The following CDC14A variants were observed in gnomAD, a reference collection of about 807,000 sequenced individuals.
CDC14A encodes the protein dual specificity protein phosphatase CDC14A.
Under a neutral mutation model 74.4 loss-of-function variants are expected in CDC14A, and 53 were observed. The ratio of observed to expected loss-of-function variants is 0.71; its 90% CI spans 0.57 to 0.89. The LOEUF is 0.89. CDC14A is among the 40% of genes least tolerant of loss of function. CDC14A has a pLI of 0.00. For missense variants in CDC14A, 646 were observed against 713.7 expected (o/e 0.91, Z 1.08); for synonymous variants, 247 against 258.4 (o/e 0.96, Z 0.43).
chr1:100,407,839 G>A (rs2101029224), intron 4 of CDC14A, among the ~76,000 whole-genome samples: 1 of 152,170 alleles, frequency 6.6e-6, no homozygotes, highest in Middle Eastern at 3.4e-3. Context: ...TATTTTTTAA[G>A]TTGACTTCGT....
chr1:100,447,294 G>C (rs1205879959), intron 7 of CDC14A, among the ~76,000 whole-genome samples: 2 of 152,170 alleles, frequency 1.3e-5, no homozygotes, highest in Admixed American at 6.5e-5. Flanking sequence ...ATTAAGTATT[G>C]ATAAACAACA....
At chr1:100,404,829 CA>C in intron 4 of CDC14A, among the ~76,000 whole-genome samples, 1 of 148,696 alleles carries the variant, frequency 6.7e-6, no homozygotes, top group East Asian at 1.9e-4. Flanking sequence ...GACTCCGTCT[CA>C]AAAAAACAAA....
chr1:100,356,538 A>C lies in CDC14A; in HGVS notation c.140+2686A>C, dbSNP rs954026302. Among the ~76,000 whole-genome samples, 13 of 152,106 alleles carry C rather than the reference A, an allele frequency of 8.5e-5. No homozygotes were observed. The East Asian group carries it at 2.1e-3, about 25-fold the overall frequency. On this transcript the variant is annotated intron_variant, in intron 2 of 15. Transcript: ENST00000336454. Reference sequence around the variant, plus strand: ...GTAGCATCATTTAAGAGGGGTTGTTAAGGAGATAAGAGCCCACTTAAAAAA... The same window carrying C: ...GTAGCATCATTTAAGAGGGGTTGTTCAGGAGATAAGAGCCCACTTAAAAAA...
chr1:100,424,546 A>G (rs1662729063), intron 5 of CDC14A, among the ~76,000 whole-genome samples: 1 of 152,158 alleles, frequency 6.6e-6, no homozygotes, highest in Non-Finnish European at 1.5e-5. Context: ...TTTACAGTTT[A>G]TGTCAAGCAC....
At chr1:100,420,031 T>TACAC (rs368385925) in intron 4 of CDC14A, among the ~76,000 whole-genome samples, 103 of 82,862 alleles carry the variant, frequency 1.2e-3, no homozygotes, top group Middle Eastern at 0.015. Context: ...TATACATATA[T>TACAC]ACACACACAC....
At position 100,353,794 on chromosome 1, in the gene CDC14A, C is replaced by T. The variant is rs750628257; in HGVS notation, c.82C>T (p.Pro28Ser). The stretch of plus-strand genomic sequence containing the variant: ...ATATTTTGCTACTTTAAGGAATAGA[C>T]CAAAAAGCACAGTAAATACCCACTA... The part of the protein sequence containing the change: ...RLYFATLRNR[P>S]KSTVNTHYFS... Residue 28 changes from proline to serine, a missense_variant, in exon 2 of 16, where the codon CCA becomes TCA. Transcript: ENST00000336454. 1.9e-6 allele frequency: 3 copies of T among 1,607,118 alleles called. No homozygotes were observed. Among genetic ancestry groups the T allele is most frequent in the Non-Finnish European group, 1.7e-6 (2 of 1,174,968 alleles).
In CDC14A at chr1:100,485,147, T is replaced by G. The variant is rs1467691930; in HGVS notation, c.1137+696T>G. ...CTAAGAATTAGGATTATGAGCATTT[T>G]TGGAACTAGAAACAACGTTGAAACA... On this transcript the variant is annotated intron_variant, in intron 11 of 15. Transcript: ENST00000336454. The G allele has an allele frequency of 8.1e-6, 8 of 985,286 alleles. No homozygotes were observed. The South Asian group carries it at 3.8e-4, about 46-fold the overall frequency. 61.0% of individuals were successfully genotyped at this position (985,286 alleles called of 1,614,324 possible).
At chr1:100,405,402 A>C (rs999633752) in intron 4 of CDC14A, among the ~76,000 whole-genome samples, 2 of 152,140 alleles carry the variant, frequency 1.3e-5, no homozygotes, top group Non-Finnish European at 2.9e-5. Context: ...ACTTTTATTA[A>C]GTTCTGGGGT....
chr1:100,515,067 G>A (rs951966952), intron 15 of CDC14A, among the ~76,000 whole-genome samples: 2 of 152,128 alleles, frequency 1.3e-5, no homozygotes, highest in Non-Finnish European at 1.5e-5. Context: ...ATGAAGTTAT[G>A]CTTTGTTACG....
chr1:100,404,816 C>T (rs1261062823), intron 4 of CDC14A, among the ~76,000 whole-genome samples: 7 of 151,726 alleles, frequency 4.6e-5, no homozygotes, highest in African/African-American at 7.3e-5. Flanking sequence ...GGCAACAGAG[C>T]GAGACTCCGT....
chr1:100,350,299 G>T (rs1385145886), upstream of CDC14A, among the ~76,000 whole-genome samples: 2 of 152,080 alleles, frequency 1.3e-5, no homozygotes, highest in African/African-American at 4.8e-5. Context: ...CGCCATGTTG[G>T]CCAGGATGGT....
In CDC14A at chr1:100,425,776, A is replaced by G. The variant is rs537770545; in HGVS notation, c.389+1475A>G. On this transcript the variant is annotated intron_variant, in intron 5 of 15. Transcript: ENST00000336454. ...TTTCCTTCCACTTCTAATGGCTCCTATACTTTGAAAGTCCTTTGTAAAATA... is the reference window on the plus strand; with the variant it reads ...TTTCCTTCCACTTCTAATGGCTCCTGTACTTTGAAAGTCCTTTGTAAAATA... Among the ~76,000 whole-genome samples, 6 of 152,358 alleles carry G rather than the reference A, an allele frequency of 3.9e-5. No homozygotes were observed. The South Asian group carries it at 1.2e-3, about 32-fold the overall frequency.
intron 10 of CDC14A, among the ~76,000 whole-genome samples, chr1:100,482,980 A>T (rs547224529): frequency 2.0e-5 from 3 of 152,090 alleles, no homozygotes; most frequent in Non-Finnish European, 4.4e-5. Context: ...CATTTTCTCT[A>T]TCCAATCTAT....
intron 2 of CDC14A, among the ~76,000 whole-genome samples, chr1:100,376,535 AT>A (rs555942861): frequency 3.9e-4 from 59 of 152,268 alleles, no homozygotes; most frequent in African/African-American, 1.3e-3. Flanking sequence ...AGTTTTAGAT[AT>A]TTTGAGTTCC....
intron 5 of CDC14A, among the ~76,000 whole-genome samples, chr1:100,429,650 G>T (rs1445176378): frequency 6.7e-6 from 1 of 149,922 alleles, no homozygotes; most frequent in Non-Finnish European, 1.5e-5. Flanking sequence ...TGTGGTCAAG[G>T]TTGAGAACTC....
At chr1:100,374,400 G>A (rs1408372724) in intron 2 of CDC14A, among the ~76,000 whole-genome samples, 1 of 152,192 alleles carries the variant, frequency 6.6e-6, no homozygotes, top group African/African-American at 2.4e-5. Flanking sequence ...CACAATGGTT[G>A]AACTAGTTTA....
At chr1:100,379,230 T>C (rs77622407) in intron 3 of CDC14A, among the ~76,000 whole-genome samples, 61 of 152,338 alleles carry the variant, frequency 4.0e-4, no homozygotes, top group African/African-American at 1.4e-3. Flanking sequence ...GTATTTTTTC[T>C]ACCATTTTCT....
intron 4 of CDC14A, among the ~76,000 whole-genome samples, chr1:100,409,164 T>G (rs1660338275): frequency 6.6e-6 from 1 of 150,704 alleles, no homozygotes; most frequent in African/African-American, 2.5e-5. Flanking sequence ...AGAAGAGAAC[T>G]TGTGCAGGGA....
intron 1 of CDC14A, among the ~76,000 whole-genome samples, chr1:100,346,172 AAAAACAAAAC>A (rs543442385): frequency 1.3e-4 from 20 of 152,244 alleles, no homozygotes; most frequent in Non-Finnish European, 2.2e-4. Flanking sequence ...ACTCCATCTC[AAAAACAAAAC>A]AAAACAAAAC....
Sources: allele counts gnomAD v4.1 joint callset (sites outside exome capture counted in the v4.1 genomes callset), GRCh38; gene constraint gnomAD v4.1.1; transcripts MANE v1.5; gene names NCBI Gene and HGNC (gene_info 2026-07-23, HGNC 2026-07-21).